PLEKHM3: variants seen among roughly 807,000 people sequenced by gnomAD.
PLEKHM3 encodes the protein pleckstrin homology domain-containing family M member 3.
A neutral mutation model predicts 81.8 loss-of-function variants in PLEKHM3; 45 were observed. The ratio of observed to expected loss-of-function variants is 0.55; its 90% CI spans 0.43 to 0.71. PLEKHM3 has a LOEUF of 0.71. Among genes scored for constraint, PLEKHM3 ranks in the 30% least tolerant of loss-of-function variants. The pLI, the probability that PLEKHM3 is intolerant of heterozygous loss-of-function variation, is 0.00. For synonymous variants in PLEKHM3, 352 were observed against 356.4 expected, an observed-to-expected ratio of 0.99 and a Z score of 0.14; for missense variants, 788 against 924.3, an observed-to-expected ratio of 0.85 and a Z score of 1.91.
chr2:207,888,874 T>C (rs1574374081), intron 6 of PLEKHM3, among the ~76,000 whole-genome samples: 1 of 152,224 alleles, frequency 6.6e-6, no homozygotes. Flanking sequence ...GGCAATGCTA[T>C]AAACTCTTTT....
intron 4 of PLEKHM3, among the ~76,000 whole-genome samples, chr2:207,935,485 C>G (rs1332475368): frequency 2.0e-5 from 3 of 152,180 alleles, no homozygotes; most frequent in Non-Finnish European, 4.4e-5. Flanking sequence ...TCTGGAGGGG[C>G]TCTTTTCCAA....
intron 6 of PLEKHM3, among the ~76,000 whole-genome samples, chr2:207,865,002 T>C (rs2092487679): frequency 6.6e-6 from 1 of 152,250 alleles, no homozygotes; most frequent in Non-Finnish European, 1.5e-5. Flanking sequence ...GCATTTACTA[T>C]ATGACAATAA....
chr2:208,002,101 T>C (rs1285313126), intron 1 of PLEKHM3, 144 bp from the exon 2 acceptor site: 1 of 164,378 alleles, frequency 6.1e-6, no homozygotes, highest in East Asian at 1.7e-4. Context: ...AGAAGTGCCA[T>C]TGTCAGGAAT....
chr2:207,932,765 T>TG (rs1472267817), intron 4 of PLEKHM3, among the ~76,000 whole-genome samples: 1 of 152,138 alleles, frequency 6.6e-6, no homozygotes, highest in Non-Finnish European at 1.5e-5. Context: ...GGCACTTGGA[T>TG]CTGGGTGTAG....
intron 3 of PLEKHM3, among the ~76,000 whole-genome samples, chr2:207,975,358 A>T (rs1691269006): frequency 6.6e-6 from 1 of 152,294 alleles, no homozygotes; most frequent in South Asian, 2.1e-4. Context: ...AGGAGCAAGG[A>T]CAAAATTTTA....
At chr2:207,857,358 G>A (rs756919941) in intron 7 of PLEKHM3, among the ~76,000 whole-genome samples, 52 of 152,120 alleles carry the variant, frequency 3.4e-4, no homozygotes, top group Non-Finnish European at 5.6e-4. Context: ...GTGGAGTTTG[G>A]CAATTTTTTT....
chr2:207,923,111 A>G (rs532400580), intron 5 of PLEKHM3, among the ~76,000 whole-genome samples: 1 of 152,250 alleles, frequency 6.6e-6, no homozygotes, highest in East Asian at 1.9e-4. Context: ...TGTGGAAGTT[A>G]AAGTTGTGCA....
At chr2:207,919,614 A>C (rs1055179215) in intron 5 of PLEKHM3, among the ~76,000 whole-genome samples, 2 of 152,214 alleles carry the variant, frequency 1.3e-5, no homozygotes, top group African/African-American at 4.8e-5. Context: ...TTTGGCTTGC[A>C]TCACTGTATG....
intron 1 of PLEKHM3, among the ~76,000 whole-genome samples, chr2:208,004,498 T>C (rs1692431199): frequency 6.6e-6 from 1 of 152,096 alleles, no homozygotes; most frequent in African/African-American, 2.4e-5. Flanking sequence ...TCTAAAGCCA[T>C]AGACTGTTAG....
chr2:207,964,517 A>C (rs1690848744), intron 3 of PLEKHM3, among the ~76,000 whole-genome samples: 1 of 152,174 alleles, frequency 6.6e-6, no homozygotes, highest in African/African-American at 2.4e-5. Flanking sequence ...GCTGCAAAGG[A>C]GAAATGTTCG....
intron 3 of PLEKHM3, among the ~76,000 whole-genome samples, chr2:207,952,510 C>T (rs542571233): frequency 1.3e-5 from 2 of 152,340 alleles, no homozygotes; most frequent in South Asian, 4.1e-4. Context: ...AGCTTATAGT[C>T]TCTAACCATT....
At chr2:207,923,619 C>A (rs146938308) in intron 5 of PLEKHM3, among the ~76,000 whole-genome samples, 1 of 151,520 alleles carries the variant, frequency 6.6e-6, no homozygotes, top group East Asian at 1.9e-4. Context: ...CACACACACA[C>A]GCTCATAAAA....
intron 6 of PLEKHM3, among the ~76,000 whole-genome samples, chr2:207,865,799 AAAAGATAT>A (rs1308709741): frequency 1.1e-4 from 4 of 35,110 alleles, no homozygotes; most frequent in African/African-American, 7.2e-4. Flanking sequence ...AAAAAAAAAA[AAAAGATAT>A]ATATATATAT....
chr2:207,842,963 T>C (rs1047066302), intron 7 of PLEKHM3, among the ~76,000 whole-genome samples: 1 of 152,226 alleles, frequency 6.6e-6, no homozygotes, highest in African/African-American at 2.4e-5. Flanking sequence ...TTCTGTTTTA[T>C]TGAGACAGGG....
At chr2:207,865,413 A>C (rs2092490091) in intron 6 of PLEKHM3, among the ~76,000 whole-genome samples, 1 of 152,126 alleles carries the variant, frequency 6.6e-6, no homozygotes. Context: ...ACCCTCTGAA[A>C]AAACTCTATA....
At chr2:207,982,953 C>T (rs187321788) in intron 2 of PLEKHM3, among the ~76,000 whole-genome samples, 83 of 151,938 alleles carry the variant, frequency 5.5e-4, no homozygotes, top group African/African-American at 1.9e-3. Context: ...ATATAACATA[C>T]AAAATATGTG....
Position 207,911,507 on chromosome 2 carries a change from C to T in PLEKHM3, c.1887-2930G>A, listed in dbSNP as rs115894029. ...TATTCAGGTTTCACCAGTGGTTTCACTAATGTCCTTTTGCTGTTCCAAGAT... is the reference window on the plus strand; with the variant it reads ...TATTCAGGTTTCACCAGTGGTTTCATTAATGTCCTTTTGCTGTTCCAAGAT... On this transcript the variant is annotated intron_variant, in intron 5 of 7. Transcript: ENST00000427836. Among the ~76,000 whole-genome samples, 456 of 152,274 alleles carry T rather than the reference C, an allele frequency of 3.0e-3. 6 individuals carry two copies. The highest frequency in any genetic ancestry group is 0.01 in the African/African-American group (435 of 41,546).
chr2:207,889,484 C>T (rs1687985933), intron 6 of PLEKHM3, among the ~76,000 whole-genome samples: 1 of 144,248 alleles, frequency 6.9e-6, no homozygotes, highest in African/African-American at 2.6e-5. Flanking sequence ...CACACACACA[C>T]GGCCCTAACC....
At chr2:208,014,263 C>T (rs1352061562) in intron 1 of PLEKHM3, among the ~76,000 whole-genome samples, 1 of 152,222 alleles carries the variant, frequency 6.6e-6, no homozygotes, top group East Asian at 1.9e-4. Context: ...GAGTCTTTGT[C>T]ATTTAACTAT....
Sources: allele counts gnomAD v4.1 joint callset (sites outside exome capture counted in the v4.1 genomes callset), GRCh38; gene constraint gnomAD v4.1.1; transcripts MANE v1.5; gene names NCBI Gene and HGNC (gene_info 2026-07-23, HGNC 2026-07-21).